Variants in DACH1 observed in about 807,000 individuals in gnomAD.
DACH1 encodes the protein dachshund family transcription factor 1.
DACH1 carries 12 observed loss-of-function variants against 54.2 expected under a neutral mutation model. The observed-to-expected ratio is 0.22, with a 90% CI of 0.14 to 0.36. The LOEUF (loss-of-function observed/expected upper bound fraction) is 0.36, where lower values mean the gene tolerates loss of function less well. Among genes scored for constraint, DACH1 ranks in the 10% least tolerant of loss-of-function variants. The probability of loss-of-function intolerance (pLI) is 1.00; values close to 1 mark genes in which losing one functional copy is unlikely to be tolerated. For missense variants in DACH1, 805 were observed against 929.8 expected (o/e 0.87, Z 1.75); for synonymous variants, 386 against 366.2 (o/e 1.05, Z -0.62).
At chr13:71,795,050 G>T (rs1437246691) in intron 1 of DACH1, among the ~76,000 whole-genome samples, 1 of 151,980 alleles carries the variant, frequency 6.6e-6, no homozygotes, top group African/African-American at 2.4e-5. Context: ...AATTTTTTAT[G>T]TTACTGAGTA....
intron 2 of DACH1, among the ~76,000 whole-genome samples, chr13:71,641,226 T>TACATACATATGTATGAATATATGTAC (rs1877874819): frequency 1.3e-5 from 2 of 152,094 alleles, no homozygotes; most frequent in African/African-American, 2.4e-5. Flanking sequence ...TATTCATATA[T>TACATACATATGTATGAATATATGTAC]ACATACATAT....
chr13:71,648,711 A>T (rs1878470953), intron 2 of DACH1, among the ~76,000 whole-genome samples: 1 of 152,174 alleles, frequency 6.6e-6, no homozygotes, highest in Non-Finnish European at 1.5e-5. Context: ...TTGCAGCATT[A>T]AAAATCAGGA....
chr13:71,495,684 A>G (rs1040371875), intron 6 of DACH1, among the ~76,000 whole-genome samples: 6 of 152,164 alleles, frequency 3.9e-5, no homozygotes, highest in African/African-American at 1.4e-4. Context: ...GGTGTAAAGG[A>G]AAGGGAATAT....
intron 1 of DACH1, among the ~76,000 whole-genome samples, chr13:71,724,199 C>T (rs1054776081): frequency 6.6e-5 from 10 of 152,106 alleles, no homozygotes; most frequent in African/African-American, 2.4e-4. Flanking sequence ...GAAAAAACTT[C>T]TATCATCAAA....
At chr13:71,789,615 G>A (rs1886752414) in intron 1 of DACH1, among the ~76,000 whole-genome samples, 1 of 151,904 alleles carries the variant, frequency 6.6e-6, no homozygotes, top group Admixed American at 6.6e-5. Flanking sequence ...TAAATCTACT[G>A]GGAAGGCAGC....
At position 71,600,085 on chromosome 13, in the gene DACH1, T is replaced by C. The variant is rs574444236; in HGVS notation, c.1127-27073A>G. ...AAACTCACAGAAAGAGGAACTATAA[T>C]TGTTTATCACCAAATACAACTAAAA... On this transcript the variant is annotated intron_variant, in intron 3 of 10. Coordinates refer to ENST00000613252, the MANE Select transcript of DACH1 (RefSeq NM_080759.6). 3.3e-5 allele frequency among the ~76,000 whole-genome samples: 5 copies of C among 152,226 alleles called. No individual in the cohort carries two copies. In the South Asian group the frequency reaches 1.0e-3, roughly 32 times the overall value.
chr13:71,450,877 G>A (rs1445249257), intron 10 of DACH1, among the ~76,000 whole-genome samples: 2 of 152,078 alleles, frequency 1.3e-5, no homozygotes, highest in Admixed American at 6.6e-5. Flanking sequence ...GTTCTATGAA[G>A]GTTAAGAGAG....
intron 6 of DACH1, among the ~76,000 whole-genome samples, chr13:71,535,293 T>G (rs537402677): frequency 6.6e-6 from 1 of 151,878 alleles, no homozygotes; most frequent in East Asian, 1.9e-4. Flanking sequence ...TACTAATCGG[T>G]GTATATCATG....
At chr13:71,636,551 AT>A (rs1566396224) in intron 2 of DACH1, among the ~76,000 whole-genome samples, 1 of 112,774 alleles carries the variant, frequency 8.9e-6, no homozygotes, top group Admixed American at 8.6e-5. Flanking sequence ...CAAAGTAAAA[AT>A]AATAATAATA....
chr13:71,507,064 A>G (rs924508322), intron 6 of DACH1, among the ~76,000 whole-genome samples: 7 of 151,670 alleles, frequency 4.6e-5, no homozygotes, highest in Non-Finnish European at 8.8e-5. Context: ...ATGGGATCTA[A>G]TTAAACTAAA....
chr13:71,794,815 A>T (rs1475511020), intron 1 of DACH1, among the ~76,000 whole-genome samples: 1 of 152,244 alleles, frequency 6.6e-6, no homozygotes, highest in African/African-American at 2.4e-5. Flanking sequence ...ATTCAAGTAC[A>T]AAATCTTAGT....
intron 6 of DACH1, among the ~76,000 whole-genome samples, chr13:71,513,156 T>C (rs1459894058): frequency 1.3e-5 from 2 of 151,946 alleles, no homozygotes; most frequent in Non-Finnish European, 2.9e-5. Flanking sequence ...TGTATTTGCA[T>C]TCCATTAATG....
intron 2 of DACH1, among the ~76,000 whole-genome samples, chr13:71,652,389 C>A (rs1226028371): frequency 6.6e-6 from 1 of 152,082 alleles, no homozygotes; most frequent in East Asian, 1.9e-4. Context: ...ACTCAAGATT[C>A]AAACACCTTA....
At position 71,783,494 on chromosome 13, in the gene DACH1, T is replaced by C. The variant is rs182666602; in HGVS notation, c.848+82428A>G. Among the ~76,000 whole-genome samples, 32 of 152,278 alleles carry C rather than the reference T, an allele frequency of 2.1e-4. No individual in the cohort carries two copies. The East Asian group carries it at 5.8e-3, about 28-fold the overall frequency. On this transcript the variant is annotated intron_variant, in intron 1 of 10. Transcript: ENST00000613252. ...TAAGATAAAAATAATGTGATAACAG[T>C]AATTATAGGATGATTGAGTTAATTT... is the stretch of plus-strand genomic sequence containing the variant.
intron 3 of DACH1, among the ~76,000 whole-genome samples, chr13:71,585,205 AAAAT>A (rs769457323): frequency 6.6e-6 from 1 of 152,022 alleles, no homozygotes; most frequent in Non-Finnish European, 1.5e-5. Flanking sequence ...GGAGGTTGAA[AAAAT>A]AAACAAATAA....
intron 6 of DACH1, among the ~76,000 whole-genome samples, chr13:71,498,960 C>T (rs945805967): frequency 6.6e-6 from 1 of 152,062 alleles, no homozygotes; most frequent in East Asian, 1.9e-4. Context: ...GACAGCAAAT[C>T]CATCATTATC....
At chr13:71,576,771 T>C (rs1162501416) in intron 3 of DACH1, among the ~76,000 whole-genome samples, 1 of 152,150 alleles carries the variant, frequency 6.6e-6, no homozygotes, top group Non-Finnish European at 1.5e-5. Context: ...AACTGTCATC[T>C]CTGCTTCCCC....
At chr13:71,851,771 C>G (rs1382065987) in intron 1 of DACH1, among the ~76,000 whole-genome samples, 1 of 152,196 alleles carries the variant, frequency 6.6e-6, no homozygotes, top group Non-Finnish European at 1.5e-5. Flanking sequence ...TTATGGAATA[C>G]AGTCCTGCCA....
At chr13:71,634,321 GTCCAGTGCTTCT>G (rs1877317769) in intron 2 of DACH1, among the ~76,000 whole-genome samples, 1 of 152,052 alleles carries the variant, frequency 6.6e-6, no homozygotes, top group South Asian at 2.1e-4. Flanking sequence ...TTAGGATCCA[GTCCAGTGCTTCT>G]CATGGCTGTC....
Sources: allele counts gnomAD v4.1 joint callset (sites outside exome capture counted in the v4.1 genomes callset), GRCh38; gene constraint gnomAD v4.1.1; transcripts MANE v1.5; gene names NCBI Gene and HGNC (gene_info 2026-07-23, HGNC 2026-07-21).